The following DAB2IP variants were observed in gnomAD, a reference collection of about 807,000 sequenced individuals.
DAB2IP encodes the protein disabled homolog 2-interacting protein.
Under a neutral mutation model 107.2 loss-of-function variants are expected in DAB2IP, and 28 were observed. The ratio of observed to expected loss-of-function variants is 0.26; its 90% CI spans 0.19 to 0.36. DAB2IP has a LOEUF of 0.36. DAB2IP is among the 10% of genes least tolerant of loss of function. The pLI is 1.00. For synonymous variants in DAB2IP, 755 were observed against 706.4 expected, an observed-to-expected ratio of 1.07 and a Z score of -1.09; for missense variants, 1,400 against 1,644.7, an observed-to-expected ratio of 0.85 and a Z score of 2.57.
intron 1 of DAB2IP, among the ~76,000 whole-genome samples, chr9:121,591,512 C>A (rs1830422182): frequency 6.6e-6 from 1 of 152,066 alleles, no homozygotes; most frequent in Admixed American, 6.6e-5. Flanking sequence ...ATGGGTAGGA[C>A]CTGACCACCC....
chr9:121,677,990 TA>T (rs1828357123), intron 1 of DAB2IP, among the ~76,000 whole-genome samples: 1 of 152,200 alleles, frequency 6.6e-6, no homozygotes. Flanking sequence ...AAAATTGCGA[TA>T]AAATATGTAA....
chr9:121,671,118 T>C (rs996453557), intron 1 of DAB2IP, among the ~76,000 whole-genome samples: 5 of 152,268 alleles, frequency 3.3e-5, no homozygotes, highest in Middle Eastern at 3.4e-3. Context: ...GCCACTGCAC[T>C]GCAGCCTGGC....
intron 1 of DAB2IP, chr9:121,575,076 A>G (rs1291564204): frequency 6.6e-6 from 1 of 152,532 alleles, no homozygotes; most frequent in Admixed American, 6.5e-5. Flanking sequence ...AAGAGCCAGG[A>G]TAAAGCTCAA....
chr9:121,757,321 C>T (rs564047053), intron 4 of DAB2IP, among the ~76,000 whole-genome samples, 155 bp downstream of exon 4: 2 of 149,618 alleles, frequency 1.3e-5, no homozygotes, highest in South Asian at 2.1e-4. Context: ...GCTTTCAGCT[C>T]CTAAGAGACC....
chr9:121,567,345 G>A, intron 1 of DAB2IP: 5 of 1,496,338 alleles, frequency 3.3e-6, no homozygotes, highest in Non-Finnish European at 4.6e-6. Flanking sequence ...TCTGGGCACT[G>A]TCTGGTCTTG....
chr9:121,652,626 G>A (rs10818579), intron 1 of DAB2IP, among the ~76,000 whole-genome samples: 30,190 of 151,886 alleles, frequency 0.2, 3,700 homozygotes, highest in South Asian at 0.31. Context: ...CTAGGCAGAG[G>A]TTCAGGCCCA....
intron 1 of DAB2IP, among the ~76,000 whole-genome samples, chr9:121,659,655 G>A (rs1287867668): frequency 2.6e-5 from 4 of 152,230 alleles, no homozygotes; most frequent in East Asian, 1.9e-4. Flanking sequence ...TTAGCCGGGC[G>A]TGGTGGCAGG....
At chr9:121,738,317 G>T (rs1328065683) in intron 3 of DAB2IP, among the ~76,000 whole-genome samples, 1 of 152,230 alleles carries the variant, frequency 6.6e-6, no homozygotes, top group Non-Finnish European at 1.5e-5. Context: ...CTCTGAGACA[G>T]ATTTAATAAT....
At chr9:121,677,441 G>C (rs755061778) in intron 1 of DAB2IP, among the ~76,000 whole-genome samples, 1 of 152,114 alleles carries the variant, frequency 6.6e-6, no homozygotes, top group South Asian at 2.1e-4. Flanking sequence ...AGGATTGCTC[G>C]AGCCTAGGAG....
Position 121,701,087 on chromosome 9 carries a change from C to T in DAB2IP, c.362+1629C>T, listed in dbSNP as rs1164820379. On this transcript the variant is annotated intron_variant, in intron 3 of 15. Transcript: ENST00000408936. The surrounding 1 kb of genome is among the most constrained non-coding windows in gnomAD (Gnocchi z 4.7). Reference sequence around the variant, plus strand: ...CGCTTTCCTTGGCGGGGGTCAGGACCCTCTGCACCCGCATGCGGGGGCTTG... The same window carrying T: ...CGCTTTCCTTGGCGGGGGTCAGGACTCTCTGCACCCGCATGCGGGGGCTTG... Among the ~76,000 whole-genome samples the T allele has an allele frequency of 6.6e-6, 1 of 152,236 alleles. No homozygotes were observed. Among genetic ancestry groups the T allele is most frequent in the Non-Finnish European group, 1.5e-5 (1 of 68,050 alleles).
intron 1 of DAB2IP, among the ~76,000 whole-genome samples, chr9:121,597,232 T>C (rs373563298): frequency 6.6e-6 from 1 of 152,242 alleles, no homozygotes; most frequent in Non-Finnish European, 1.5e-5. Flanking sequence ...TCCTTGACTA[T>C]TATGAGTTTT....
exon 7 of DAB2IP, chr9:121,763,618 A>G (rs1431031065): frequency 1.2e-6 from 2 of 1,613,680 alleles, no homozygotes; most frequent in South Asian, 2.2e-5. Context: ...ACCTCAAGCT[A>G]GTGGGCCAGA....
intron 1 of DAB2IP, among the ~76,000 whole-genome samples, chr9:121,646,383 C>T (rs1422097635): frequency 6.6e-6 from 1 of 152,102 alleles, no homozygotes; most frequent in Non-Finnish European, 1.5e-5. Context: ...TGCTCCTGGT[C>T]CAGCCTTATT....
At position 121,642,904 on chromosome 9, in the gene DAB2IP, C is replaced by A. The variant is rs147172297; in HGVS notation, c.41-35774C>A. Among the ~76,000 whole-genome samples, 267 of 152,124 alleles carry A rather than the reference C, an allele frequency of 1.8e-3. 1 individual carries two copies. The highest frequency in any genetic ancestry group is 5.8e-3 in the African/African-American group (242 of 41,536). On this transcript the variant is annotated intron_variant, in intron 1 of 16. Transcript: ENST00000259371. ...TTGAGATAAGGGGTCCAGGGAAGGT[C>A]TCTGAGGGTGTGATATTTGAGCTGA...
intron 1 of DAB2IP, among the ~76,000 whole-genome samples, chr9:121,667,103 C>T (rs752776095): frequency 1.3e-5 from 2 of 152,104 alleles, no homozygotes; most frequent in Non-Finnish European, 2.9e-5. Flanking sequence ...CTCTGCCTCC[C>T]GGGTTCAAGC....
chr9:121,606,067 G>T (rs1830860050), intron 1 of DAB2IP, among the ~76,000 whole-genome samples: 1 of 152,224 alleles, frequency 6.6e-6, no homozygotes, highest in Non-Finnish European at 1.5e-5. Context: ...CTAAGGTTGG[G>T]TGTGCTGGCT....
intron 1 of DAB2IP, chr9:121,575,274 C>T (rs1394616778): frequency 6.5e-6 from 1 of 153,986 alleles, no homozygotes; most frequent in Non-Finnish European, 1.4e-5. Flanking sequence ...CCAGTTGATT[C>T]TCAGAGCCTC....
chr9:121,639,163 A>T (rs1460748139), intron 1 of DAB2IP, among the ~76,000 whole-genome samples: 2 of 152,232 alleles, frequency 1.3e-5, no homozygotes, highest in African/African-American at 4.8e-5. Flanking sequence ...GCTTTTGGTC[A>T]TTAGAAGGAC....
chr9:121,672,353 C>T (rs1391304688), intron 1 of DAB2IP, among the ~76,000 whole-genome samples: 2 of 152,138 alleles, frequency 1.3e-5, no homozygotes, highest in South Asian at 2.1e-4. Flanking sequence ...CGATGCAACC[C>T]GACAACTGAA....
Sources: gnomAD v4.1 joint callset for allele counts (sites outside exome capture counted in the v4.1 genomes callset) on GRCh38, gnomAD v4.1.1 for gene constraint, Gnocchi (gnomAD v3.1) non-coding constraint, MANE v1.5 for transcripts, NCBI Gene and HGNC (gene_info 2026-07-23, HGNC 2026-07-21) for gene names.